TMEM131: variants seen among roughly 807,000 people sequenced by gnomAD.
TMEM131 encodes the protein 2610524E03Rik.
In TMEM131, 66 loss-of-function variants were observed where a neutral mutation model predicts 211.6. The observed-to-expected ratio is 0.31, with a 90% CI of 0.26 to 0.38. TMEM131 has a LOEUF of 0.38. Among genes scored for constraint, TMEM131 ranks in the 10% least tolerant of loss-of-function variants. The pLI is 1.00. For missense variants in TMEM131, 2,036 were observed against 2,299.3 expected (o/e 0.89, Z 2.34); for synonymous variants, 844 against 841.3 (o/e 1.00, Z -0.06).
chr2:97,859,972 C>T (rs373976749), intron 4 of TMEM131, among the ~76,000 whole-genome samples: 2 of 152,160 alleles, frequency 1.3e-5, no homozygotes, highest in East Asian at 1.9e-4. Flanking sequence ...GTCTAGTCTG[C>T]GCTTTAACCG....
At chr2:97,952,674 C>A (rs985345420) in intron 1 of TMEM131, among the ~76,000 whole-genome samples, 1 of 152,066 alleles carries the variant, frequency 6.6e-6, no homozygotes, top group Non-Finnish European at 1.5e-5. Flanking sequence ...CCCAGGAGCT[C>A]GAGACCAGCC....
intron 3 of TMEM131, chr2:97,907,232 T>C (rs1676111460): frequency 6.6e-6 from 1 of 152,102 alleles, no homozygotes; most frequent in East Asian, 1.9e-4. Flanking sequence ...TGTTAAATAT[T>C]TGGGCAAGAT....
chr2:97,845,907 A>G (rs952741332), intron 5 of TMEM131, among the ~76,000 whole-genome samples: 11 of 152,208 alleles, frequency 7.2e-5, no homozygotes, highest in Non-Finnish European at 1.6e-4. Context: ...TACACTTTAC[A>G]CACAAAAAGA....
chr2:97,876,910 T>C (rs1013532003), intron 4 of TMEM131, among the ~76,000 whole-genome samples: 3 of 152,124 alleles, frequency 2.0e-5, no homozygotes, highest in Non-Finnish European at 2.9e-5. Flanking sequence ...GGAAGTCAAA[T>C]TGTATCTGTT....
intron 1 of TMEM131, among the ~76,000 whole-genome samples, chr2:97,989,457 G>C (rs1171383786): frequency 6.6e-6 from 1 of 152,126 alleles, no homozygotes; most frequent in Non-Finnish European, 1.5e-5. Flanking sequence ...GCCTGGGGGT[G>C]GGGATTAAGG....
At chr2:97,927,045 G>A (rs1346107471) in intron 2 of TMEM131, among the ~76,000 whole-genome samples, 2 of 152,130 alleles carry the variant, frequency 1.3e-5, no homozygotes, top group African/African-American at 2.4e-5. Flanking sequence ...TTTTTAGTAG[G>A]AAGGCTTTAT....
intron 1 of TMEM131, among the ~76,000 whole-genome samples, chr2:97,954,801 C>A (rs1573611238): frequency 2.7e-5 from 2 of 74,646 alleles, no homozygotes; most frequent in Admixed American, 2.0e-4. Flanking sequence ...AGTGAAACTC[C>A]ATCTCAAAAA....
intron 4 of TMEM131, among the ~76,000 whole-genome samples, chr2:97,876,465 C>T (rs2141862): frequency 0.75 from 114,055 of 152,108 alleles, 44,413 homozygotes; most frequent in African/African-American, 0.87. Flanking sequence ...AATAAAATAC[C>T]GGCAAACTGA....
At chr2:97,920,423 G>T (rs781096634) in intron 2 of TMEM131, among the ~76,000 whole-genome samples, 5 of 152,168 alleles carry the variant, frequency 3.3e-5, no homozygotes, top group Non-Finnish European at 7.3e-5. Flanking sequence ...ACATCATACT[G>T]GCTGTAGCTA....
intron 11 of TMEM131, among the ~76,000 whole-genome samples, chr2:97,824,072 A>G (rs1452735271): frequency 1.3e-5 from 2 of 152,200 alleles, no homozygotes; most frequent in African/African-American, 4.8e-5. Context: ...AGGAAAGAAA[A>G]TTGAGCAGGC....
At chr2:97,849,783 C>A (rs1041347326) in intron 5 of TMEM131, among the ~76,000 whole-genome samples, 25 of 133,660 alleles carry the variant, frequency 1.9e-4, no homozygotes, top group African/African-American at 7.1e-4. Context: ...TTCACTCAAG[C>A]ATATTTTAGC....
At chr2:97,780,237 G>A (rs557221505) in intron 31 of TMEM131, among the ~76,000 whole-genome samples, 1 of 152,186 alleles carries the variant, frequency 6.6e-6, no homozygotes, top group Non-Finnish European at 1.5e-5. Flanking sequence ...CAGAATTGGG[G>A]GAATTCTGAG....
intron 31 of TMEM131, among the ~76,000 whole-genome samples, chr2:97,785,439 T>C (rs1680201734): frequency 6.6e-6 from 1 of 152,150 alleles, no homozygotes; most frequent in Admixed American, 6.5e-5. Flanking sequence ...CATTATCCAT[T>C]AGAAAATAAC....
At chr2:97,797,939 C>T (rs1287089133) in intron 25 of TMEM131, among the ~76,000 whole-genome samples, 1 of 152,246 alleles carries the variant, frequency 6.6e-6, no homozygotes, top group East Asian at 1.9e-4. Context: ...ATGCTTCCCG[C>T]CACTGCTCCC....
intron 1 of TMEM131, among the ~76,000 whole-genome samples, chr2:97,968,261 G>C (rs1182868491): frequency 6.6e-6 from 1 of 152,088 alleles, no homozygotes; most frequent in African/African-American, 2.4e-5. Flanking sequence ...GAACCGAGGA[G>C]TGACTACCAG....
intron 1 of TMEM131, among the ~76,000 whole-genome samples, chr2:97,983,522 A>C (rs575077834): frequency 9.9e-5 from 15 of 152,274 alleles, no homozygotes; most frequent in Admixed American, 5.2e-4. Flanking sequence ...CAAAAAGGAG[A>C]TGGAGGCTGC....
chr2:97,877,691 A>T (rs1674755933), intron 4 of TMEM131, among the ~76,000 whole-genome samples: 1 of 152,226 alleles, frequency 6.6e-6, no homozygotes, highest in Non-Finnish European at 1.5e-5. Flanking sequence ...CTTGTACCTT[A>T]TACAAAAATA....
intron 1 of TMEM131, among the ~76,000 whole-genome samples, chr2:97,957,643 T>C (rs890493185): frequency 2.0e-5 from 3 of 151,816 alleles, no homozygotes; most frequent in Non-Finnish European, 4.4e-5. Context: ...AGACATTAGT[T>C]TAAAAAAAAA....
chr2:97,851,883 A>G (rs1308561982), intron 5 of TMEM131, among the ~76,000 whole-genome samples: 1 of 152,182 alleles, frequency 6.6e-6, no homozygotes, highest in African/African-American at 2.4e-5. Context: ...ATGGCCTGTA[A>G]GTGTTGGAGT....
Sources: gnomAD v4.1 joint callset for allele counts (sites outside exome capture counted in the v4.1 genomes callset) on GRCh38, gnomAD v4.1.1 for gene constraint, MANE v1.5 for transcripts, NCBI Gene and HGNC (gene_info 2026-07-23, HGNC 2026-07-21) for gene names.